The following DLAT variants were observed in gnomAD, a reference collection of about 807,000 sequenced individuals.
The protein encoded by DLAT is dihydrolipoyllysine-residue acetyltransferase component of pyruvate dehydrogenase complex, mitochondrial.
A neutral mutation model predicts 68.0 loss-of-function variants in DLAT; 43 were observed. That is an observed-to-expected ratio of 0.63 (90% CI 0.50 to 0.81). The LOEUF is 0.81. Among genes scored for constraint, DLAT ranks in the 40% least tolerant of loss-of-function variants. DLAT has a pLI of 0.00. For synonymous variants in DLAT, 265 were observed against 288.6 expected (o/e 0.92, Z 0.83); for missense variants, 745 against 815.4 (o/e 0.91, Z 1.05).
intron 10 of DLAT, among the ~76,000 whole-genome samples, chr11:112,050,285 G>T (rs967247385): frequency 2.0e-5 from 3 of 150,234 alleles, no homozygotes; most frequent in African/African-American, 7.3e-5. Context: ...TTTTGTTGAA[G>T]ATTTTTACAT....
chr11:112,053,765 T>A (rs1555182215), intron 11 of DLAT, among the ~76,000 whole-genome samples: 2 of 152,166 alleles, frequency 1.3e-5, no homozygotes, highest in African/African-American at 4.8e-5. Flanking sequence ...TAAACACAGC[T>A]TTTAAACTAT....
Position 112,026,236 on chromosome 11 carries a change from C to A in DLAT, c.318C>A (p.Gly106=), listed in dbSNP as rs201070254. 209 of 1,611,586 alleles carry A rather than the reference C, an allele frequency of 1.3e-4. 2 individuals are homozygous for A. In the Middle Eastern group the frequency reaches 1.5e-3, roughly 11 times the overall value. The stretch of plus-strand genomic sequence containing the variant: ...CTCTTTCCCCCACAATGCAGGCAGG[C>A]ACCATAGCCCGTTGGGAAAAAAAAG... The part of the protein sequence containing the change: ...LPSLSPTMQA[G]TIARWEKKEG... The change falls in exon 2 of 14, where the codon GGC becomes GGA. Residue 106 remains glycine (G), a synonymous_variant. Transcript: ENST00000280346.
At chr11:112,030,731 A>G (rs1862347046) in intron 4 of DLAT, among the ~76,000 whole-genome samples, 1 of 152,256 alleles carries the variant, frequency 6.6e-6, no homozygotes, top group Non-Finnish European at 1.5e-5. Context: ...TTTAGATGTT[A>G]AAAGTGGATA....
At chr11:112,055,523 C>T (rs985077637) in intron 11 of DLAT, among the ~76,000 whole-genome samples, 4 of 151,862 alleles carry the variant, frequency 2.6e-5, no homozygotes, top group South Asian at 4.2e-4. Flanking sequence ...GGATTACAGG[C>T]GTGAGCCACC....
At chr11:112,058,326 G>A (rs1457336892) in intron 11 of DLAT, among the ~76,000 whole-genome samples, 1 of 152,172 alleles carries the variant, frequency 6.6e-6, no homozygotes, top group African/African-American at 2.4e-5. Context: ...GGTAATTAAT[G>A]AGTCATACAC....
At chr11:112,028,375 C>G in intron 2 of DLAT, 140 bp from the exon 3 acceptor site, 1 of 955,596 alleles carries the variant, frequency 1.0e-6, no homozygotes. Context: ...GCCGAGATTG[C>G]ACCACTGCAC....
At position 112,028,565 on chromosome 11, in the gene DLAT, T is replaced by C. The variant is rs782753034; in HGVS notation, c.432T>C (p.Tyr144=). Residue 144 remains tyrosine, a synonymous_variant, in exon 3 of 14, where the codon TAT becomes TAC. Transcript: ENST00000280346. ...TVGFESLEEC[Y]MAKILVAEGT... Reference sequence around the variant, plus strand: ...GATTTGAGAGCCTGGAGGAGTGTTATATGGCAAAGATACTTGTTGCTGAAG... The same window carrying C: ...GATTTGAGAGCCTGGAGGAGTGTTACATGGCAAAGATACTTGTTGCTGAAG... 9 of 1,614,046 alleles carry C rather than the reference T, an allele frequency of 5.6e-6. No individual in the cohort carries two copies. The African/African-American group carries it at 8.0e-5, about 14-fold the overall frequency.
At chr11:112,039,471 A>G in intron 7 of DLAT, 74 bp downstream of exon 7, 1 of 1,442,010 alleles carries the variant, frequency 6.9e-7, no homozygotes, top group South Asian at 1.2e-5. Context: ...ACTTGCAAGT[A>G]CAACTATGTA....
In DLAT at chr11:112,047,942, A is replaced by C. The variant is rs960789196; in HGVS notation, c.1398+1972A>C. Among the ~76,000 whole-genome samples, 9 of 152,316 alleles carry C rather than the reference A, an allele frequency of 5.9e-5. No homozygotes were observed. The East Asian group carries it at 1.7e-3, about 29-fold the overall frequency. ...CTTTTTGCTTAGGATTGTCTTGGCT[A>C]TACGGGCCCTTTTTTGGTTCCATAT... On this transcript the variant is annotated intron_variant, in intron 10 of 13. Transcript: ENST00000280346.
chr11:112,037,052 T>G (rs1555180566), intron 5 of DLAT, among the ~76,000 whole-genome samples: 1 of 152,216 alleles, frequency 6.6e-6, no homozygotes, highest in Non-Finnish European at 1.5e-5. Context: ...TATTAATCTG[T>G]TTAAATGTAT....
At chr11:112,060,167 T>TC in intron 12 of DLAT, 102 bp downstream of exon 12, 1 of 1,141,736 alleles carries the variant, frequency 8.8e-7, no homozygotes, top group East Asian at 2.6e-5. Context: ...AATTTTTTTT[T>TC]TTTTTTTTTT....
At chr11:112,030,739 A>G (rs1434709603) in intron 4 of DLAT, among the ~76,000 whole-genome samples, 1 of 152,226 alleles carries the variant, frequency 6.6e-6, no homozygotes, top group Non-Finnish European at 1.5e-5. Flanking sequence ...TTAAAAGTGG[A>G]TAAAAATCCA....
At chr11:112,056,165 G>T (rs978196785) in intron 11 of DLAT, among the ~76,000 whole-genome samples, 1 of 151,824 alleles carries the variant, frequency 6.6e-6, no homozygotes, top group Non-Finnish European at 1.5e-5. Context: ...GTGCCTGGCC[G>T]CATGTAGACA....
chr11:112,043,608 TGAAC>T, intron 8 of DLAT, 75 bp downstream of exon 8: 2 of 1,225,220 alleles, frequency 1.6e-6, no homozygotes, highest in South Asian at 1.2e-5. Context: ...ACATTATTTA[TGAAC>T]GAAATAGCTC....
chr11:112,059,900 C>T lies in DLAT; in HGVS notation c.1515-3C>T. On this transcript the variant is annotated splice_region_variant and splice_polypyrimidine_tract_variant and intron_variant, in intron 11 of 13. Coordinates refer to ENST00000280346, the MANE Select transcript of DLAT (RefSeq NM_001931.5). ...TATTATATTTATTTTTCTTTTTAAA[C>T]AGAAATCATGTTGTTGATGTCAGTG... 2 of 1,595,198 alleles carry T rather than the reference C, an allele frequency of 1.3e-6. No individual in the cohort carries two copies. Among genetic ancestry groups the T allele is most frequent in the Middle Eastern group, 3.4e-4 (2 of 5,880 alleles).
chr11:112,045,923 G>A lies in DLAT; in HGVS notation c.1351G>A (p.Asp451Asn), dbSNP rs10891314. 579,275 of 1,607,196 alleles carry A rather than the reference G, an allele frequency of 0.36. 108,523 individuals are homozygous for A. The highest frequency in any genetic ancestry group is 0.57 in the East Asian group (25,435 of 44,768). The change falls in exon 10 of 14, where the codon GAT becomes AAT. Residue 451 changes from aspartate (D) to asparagine (N), a missense_variant. Coordinates refer to ENST00000280346, the MANE Select transcript of DLAT (RefSeq NM_001931.5). The stretch of plus-strand genomic sequence containing the variant: ...CATACCTCATTATTACCTTTCTATC[G>A]ATGTAAATATGGGAGAAGTTTTGTT... ...QTIPHYYLSI[D>N]VNMGEVLLVR... is the part of the protein sequence containing the mutation.
intron 12 of DLAT, among the ~76,000 whole-genome samples, chr11:112,060,540 C>T (rs1555183109): frequency 6.6e-6 from 1 of 152,050 alleles, no homozygotes; most frequent in African/African-American, 2.4e-5. Context: ...CTGCAACCTC[C>T]GCCTCCCAGG....
intron 11 of DLAT, among the ~76,000 whole-genome samples, chr11:112,058,275 AAAGCAGT>A (rs1864237093): frequency 6.6e-6 from 1 of 152,234 alleles, no homozygotes; most frequent in Admixed American, 6.5e-5. Context: ...TTTATTCAAG[AAAGCAGT>A]ATTTGCTGTG....
intron 4 of DLAT, among the ~76,000 whole-genome samples, chr11:112,029,333 A>G (rs1862267611): frequency 6.6e-6 from 1 of 152,164 alleles, no homozygotes; most frequent in Non-Finnish European, 1.5e-5. Context: ...GGTAATTTAT[A>G]AAGAAAAAAG....
Sources: gnomAD v4.1 joint callset for allele counts (sites outside exome capture counted in the v4.1 genomes callset) on GRCh38, gnomAD v4.1.1 for gene constraint, MANE v1.5 for transcripts, NCBI Gene and HGNC (gene_info 2026-07-23, HGNC 2026-07-21) for gene names.